GRIN2A: variants seen among roughly 807,000 people sequenced by gnomAD.
The protein encoded by GRIN2A is glutamate ionotropic receptor NMDA type subunit 2A.
GRIN2A carries 22 observed loss-of-function variants against 113.4 expected under a neutral mutation model. The observed-to-expected ratio is 0.19, with a 90% confidence interval of 0.14 to 0.28. The LOEUF (loss-of-function observed/expected upper bound fraction) is 0.28. Among genes scored for constraint, GRIN2A ranks in the 10% least tolerant of loss-of-function variants. GRIN2A has a pLI of 1.00. For missense variants in GRIN2A, 1,502 were observed against 1,887.0 expected, an observed-to-expected ratio of 0.80 and a Z score of 3.78; for synonymous variants, 827 against 738.4, an observed-to-expected ratio of 1.12 and a Z score of -1.94.
At chr16:10,025,072 T>C (rs1198945678) in intron 2 of GRIN2A, among the ~76,000 whole-genome samples, 1 of 149,984 alleles carries the variant, frequency 6.7e-6, no homozygotes, top group Non-Finnish European at 1.5e-5. Context: ...AATCGAGAGA[T>C]GAGAGGAGAT....
chr16:10,162,646 G>T (rs984289014), intron 2 of GRIN2A, among the ~76,000 whole-genome samples: 2 of 152,108 alleles, frequency 1.3e-5, no homozygotes, highest in Non-Finnish European at 1.5e-5. Flanking sequence ...TTGGGTTAAG[G>T]CTTACCTATA....
At chr16:9,955,127 C>G (rs74613612) in intron 2 of GRIN2A, among the ~76,000 whole-genome samples, 1,884 of 152,322 alleles carry the variant, frequency 0.012, 32 homozygotes, top group African/African-American at 0.043. Context: ...ACAGCCTGAG[C>G]TTACCACTAC....
chr16:9,952,165 C>G (rs77102499), intron 2 of GRIN2A, among the ~76,000 whole-genome samples: 2,773 of 152,226 alleles, frequency 0.018, 38 homozygotes, highest in Non-Finnish European at 0.023. Context: ...CATGGAGCCA[C>G]AGAGCTCAAC....
At chr16:10,120,392 T>C (rs1392661517) in intron 2 of GRIN2A, among the ~76,000 whole-genome samples, 1 of 152,192 alleles carries the variant, frequency 6.6e-6, no homozygotes, top group Non-Finnish European at 1.5e-5. Context: ...AATCTTGATA[T>C]TATAACCTAA....
intron 2 of GRIN2A, among the ~76,000 whole-genome samples, chr16:10,028,052 T>C (rs1391973648): frequency 6.6e-6 from 1 of 152,122 alleles, no homozygotes; most frequent in African/African-American, 2.4e-5. Flanking sequence ...GTGCCTCTGG[T>C]TTTTGTCTAG....
intron 2 of GRIN2A, among the ~76,000 whole-genome samples, chr16:10,145,916 G>A (rs2049429730): frequency 6.6e-6 from 1 of 152,180 alleles, no homozygotes; most frequent in African/African-American, 2.4e-5. Context: ...ATCCAGGAAG[G>A]TGATACAGGA....
chr16:9,815,257 AT>A (rs199706477), intron 10 of GRIN2A, among the ~76,000 whole-genome samples: 32 of 151,720 alleles, frequency 2.1e-4, no homozygotes, highest in East Asian at 3.9e-4. Flanking sequence ...TACTCCCTAA[AT>A]TTTTTTTTAA....
At chr16:9,887,389 C>A (rs1054626953) in intron 4 of GRIN2A, among the ~76,000 whole-genome samples, 1 of 152,158 alleles carries the variant, frequency 6.6e-6, no homozygotes, top group African/African-American at 2.4e-5. Flanking sequence ...CCATAGGGAA[C>A]GTTTGCCTCC....
intron 2 of GRIN2A, among the ~76,000 whole-genome samples, chr16:10,025,133 T>C (rs774750156): frequency 1.4e-4 from 21 of 150,806 alleles, no homozygotes; most frequent in Non-Finnish European, 2.1e-4. Context: ...AAGAAGAAAA[T>C]TGAAAGAGGT....
intron 10 of GRIN2A, among the ~76,000 whole-genome samples, chr16:9,807,753 C>G (rs1006890332): frequency 1.3e-5 from 2 of 152,146 alleles, no homozygotes; most frequent in Admixed American, 6.5e-5. Flanking sequence ...GCCGGGCTCC[C>G]CCAGTGCAAG....
intron 12 of GRIN2A, 40 bp downstream of exon 12, chr16:9,768,811 C>T (rs2141149100): frequency 7.2e-7 from 1 of 1,392,142 alleles, no homozygotes; most frequent in Non-Finnish European, 1.0e-6. Flanking sequence ...TTTTCTAAAC[C>T]TGCTTGCAGT....
chr16:10,160,093 T>C (rs2049780666), intron 2 of GRIN2A, among the ~76,000 whole-genome samples: 1 of 152,176 alleles, frequency 6.6e-6, no homozygotes, highest in Non-Finnish European at 1.5e-5. Flanking sequence ...TCCAGGGCTG[T>C]AAGAGGGTAA....
At chr16:9,896,587 T>C (rs775223095) in intron 3 of GRIN2A, among the ~76,000 whole-genome samples, 12 of 152,220 alleles carry the variant, frequency 7.9e-5, no homozygotes, top group Non-Finnish European at 1.6e-4. Context: ...TTTTTCTGTG[T>C]TCCTCTAAGA....
chr16:10,104,095 A>G (rs8048865), intron 2 of GRIN2A, among the ~76,000 whole-genome samples: 147,805 of 152,332 alleles, frequency 0.97, 71,879 homozygotes, highest in East Asian at 1. Context: ...CTGTGAAAAC[A>G]AGAGTAGGCA....
At chr16:9,837,364 T>C (rs1195803292) in intron 7 of GRIN2A, among the ~76,000 whole-genome samples, 2 of 151,976 alleles carry the variant, frequency 1.3e-5, no homozygotes, top group African/African-American at 4.8e-5. Flanking sequence ...TTTTGCTAAA[T>C]TTAGCAAAAT....
At chr16:10,085,808 G>A (rs1329607617) in intron 2 of GRIN2A, among the ~76,000 whole-genome samples, 1 of 152,116 alleles carries the variant, frequency 6.6e-6, no homozygotes, top group Non-Finnish European at 1.5e-5. Context: ...GGTTTCTCTG[G>A]GATCCCCCTG....
At chr16:9,972,510 T>C (rs1390025618) in intron 2 of GRIN2A, among the ~76,000 whole-genome samples, 1 of 151,586 alleles carries the variant, frequency 6.6e-6, no homozygotes, top group Non-Finnish European at 1.5e-5. Flanking sequence ...ATACACTTAA[T>C]GAGGTAAAGG....
intron 2 of GRIN2A, among the ~76,000 whole-genome samples, chr16:9,940,928 T>C (rs995507450): frequency 1.3e-5 from 2 of 152,124 alleles, no homozygotes; most frequent in African/African-American, 4.8e-5. Context: ...AAGTAGAGTC[T>C]AAAGGCAATT....
intron 3 of GRIN2A, among the ~76,000 whole-genome samples, chr16:9,933,759 A>G (rs908513363): frequency 6.6e-6 from 1 of 152,246 alleles, no homozygotes; most frequent in African/African-American, 2.4e-5. Flanking sequence ...AATGTCCATC[A>G]AAGAGGAATT....
Sources: gnomAD v4.1 joint callset for allele counts (sites outside exome capture counted in the v4.1 genomes callset) on GRCh38, gnomAD v4.1.1 for gene constraint, MANE v1.5 for transcripts, NCBI Gene and HGNC (gene_info 2026-07-23, HGNC 2026-07-21) for gene names.